The following MTM1 variants were observed in gnomAD, a reference collection of about 807,000 sequenced individuals.
MTM1 encodes the protein myotubularin.
Under a neutral mutation model 52.1 loss-of-function variants are expected in MTM1, and 9 were observed. The ratio of observed to expected loss-of-function variants is 0.17; its 90% CI spans 0.10 to 0.30. The LOEUF (loss-of-function observed/expected upper bound fraction) is 0.30, where lower values mean the gene tolerates loss of function less well. Among genes scored for constraint, MTM1 ranks in the 10% least tolerant of loss-of-function variants. The pLI is 1.00. For synonymous variants in MTM1, 136 were observed against 163.8 expected (o/e 0.83, Z 1.29); for missense variants, 277 against 470.7 (o/e 0.59, Z 3.81).
At chrX:150,583,420 A>G (rs1258588251) in intron 1 of MTM1, among the ~76,000 whole-genome samples, 9 of 40,611 alleles carry the variant, frequency 2.2e-4, no homozygotes, top group Non-Finnish European at 2.6e-4. Context: ...TATATTATAT[A>G]TAATTATAAA....
At chrX:150,573,412 GAAAGTAAAAATA>G (rs1480078806) in intron 1 of MTM1, among the ~76,000 whole-genome samples, 2 of 112,391 alleles carry the variant, frequency 1.8e-5, no homozygotes, top group Non-Finnish European at 3.8e-5. Flanking sequence ...GGGAATAATT[GAAAGTAAAAATA>G]AAAGTTGTTT....
chrX:150,658,154 G>C (rs982097040), intron 11 of MTM1, 127 bp downstream of exon 11: 56 of 544,251 alleles, frequency 1.0e-4, no homozygotes, highest in Non-Finnish European at 1.0e-4. Context: ...TTACGCGTTT[G>C]AAAATGCATG....
intron 1 of MTM1, among the ~76,000 whole-genome samples, chrX:150,580,946 C>A (rs2038571468): frequency 8.9e-6 from 1 of 111,918 alleles, no homozygotes; most frequent in Non-Finnish European, 1.9e-5. Context: ...AGACCCTAGG[C>A]AGCGTTCCAA....
At chrX:150,575,358 G>T (rs1290418422) in intron 1 of MTM1, among the ~76,000 whole-genome samples, 1 of 112,211 alleles carries the variant, frequency 8.9e-6, no homozygotes, top group Non-Finnish European at 1.9e-5. Context: ...AATTGATCTG[G>T]GCTGAGACTC....
Position 150,628,022 on chromosome X carries a change from G to T in MTM1, c.444+8883G>T, listed in dbSNP as rs145981187. Among the ~76,000 whole-genome samples the T allele has an allele frequency of 9.6e-4, 107 of 111,361 alleles. 1 individual carries two copies. The East Asian group carries it at 0.029, about 31-fold the overall frequency. ...TAGCACCAATAATCTAGACAGGAAG[G>T]TTCTCTTGAAGTCCCCAGGTGGTCC... is the stretch of plus-strand genomic sequence containing the variant. On this transcript the variant is annotated intron_variant, in intron 6 of 14. Transcript: ENST00000370396.
At chrX:150,573,215 A>C (rs188118877) in intron 1 of MTM1, among the ~76,000 whole-genome samples, 1 of 112,421 alleles carries the variant, frequency 8.9e-6, no homozygotes, top group East Asian at 2.8e-4. Context: ...TGCCAGATGA[A>C]ATGGAGCTCA....
chrX:150,591,949 G>T (rs1277724160), intron 1 of MTM1, among the ~76,000 whole-genome samples: 2 of 112,691 alleles, frequency 1.8e-5, no homozygotes, highest in Non-Finnish European at 3.7e-5. Context: ...ATCTTCTTAA[G>T]TCTAAATAAA....
chrX:150,611,624 C>A (rs1417560082), intron 4 of MTM1, among the ~76,000 whole-genome samples: 1 of 112,093 alleles, frequency 8.9e-6, no homozygotes, highest in Admixed American at 9.5e-5. Flanking sequence ...CACAACTAGA[C>A]TGACCATACT....
chrX:150,650,468 T>C (rs1232403941), intron 10 of MTM1, among the ~76,000 whole-genome samples: 1 of 111,769 alleles, frequency 8.9e-6, no homozygotes, highest in African/African-American at 3.3e-5. Context: ...CTTTAATGTA[T>C]AGGTGAATTA....
rs782156492 is a variant in MTM1, at chrX:150,641,386, G to A, written c.646G>A (p.Val216Ile). The change falls in exon 8 of 15, where the codon GTT (valine) becomes ATT (isoleucine). Residue 216 changes from valine (V) to isoleucine (I), a missense_variant. Physicochemically the swap from Val to Ile is conservative, Grantham distance 29. Around this residue, in one of 4 missense-constraint regions of MTM1, gnomAD observed 164 missense variants for 283.3 expected, o/e 0.58. Coordinates refer to ENST00000370396, the MANE Select transcript of MTM1 (RefSeq NM_000252.3). The stretch of plus-strand genomic sequence containing the variant: ...TGCCTCAGATGATGACCTCCGGAGA[G>A]TTGCAACTTTTAGGTCCCGAAATCG... ...YRASDDDLRR[V>I]ATFRSRNRIP... 7 of 1,209,823 alleles carry A rather than the reference G, an allele frequency of 5.8e-6. No homozygotes were observed. The Admixed American group carries it at 6.6e-5, about 11-fold the overall frequency.
chrX:150,597,171 A>G (rs1376519153), intron 3 of MTM1, among the ~76,000 whole-genome samples: 2 of 112,252 alleles, frequency 1.8e-5, no homozygotes, highest in East Asian at 2.8e-4. Context: ...GGCAAATTTT[A>G]TATGTGGATT....
At chrX:150,644,149 TA>T (rs1413652732) in intron 8 of MTM1, among the ~76,000 whole-genome samples, 7 of 111,188 alleles carry the variant, frequency 6.3e-5, no homozygotes, top group African/African-American at 2.3e-4. Context: ...ATTAAAATAA[TA>T]AAAAATATTA....
At position 150,664,142 on chromosome X, in the gene MTM1, C is replaced by T. The variant is rs1241978330; in HGVS notation, c.1644+533C>T. ...GAAACAATGAGTTTGAAGTGAAAGA[C>T]TCTACATTTTGTTAAAGACACACTT... On this transcript the variant is annotated intron_variant, in intron 14 of 14. Transcript: ENST00000370396. Among the ~76,000 whole-genome samples, 4 of 112,561 alleles carry T rather than the reference C, an allele frequency of 3.6e-5. No individual in the cohort carries two copies. In the Admixed American group the frequency reaches 3.8e-4, roughly 11 times the overall value.
Position 150,637,453 on chromosome X carries a change from G to C in MTM1, c.445-1490G>C, listed in dbSNP as rs188259582. Among the ~76,000 whole-genome samples the C allele has an allele frequency of 2.0e-4, 22 of 111,397 alleles. No homozygotes were observed. In the East Asian group the frequency reaches 5.1e-3, roughly 26 times the overall value. On this transcript the variant is annotated intron_variant, in intron 6 of 14. Transcript: ENST00000370396. ...CTGTGTTCTGCCTCCCTCTGACCAG[G>C]CGCCATTGTAGTTACTGGGGATAAA...
intron 1 of MTM1, among the ~76,000 whole-genome samples, chrX:150,582,540 A>G (rs1161392415): frequency 9.0e-6 from 1 of 111,403 alleles, no homozygotes; most frequent in African/African-American, 3.3e-5. Context: ...AGTTAAGATG[A>G]GGTCATGCAG....
intron 4 of MTM1, among the ~76,000 whole-genome samples, chrX:150,601,611 C>T (rs150820122): frequency 0.01 from 1,126 of 111,976 alleles, 11 homozygotes; most frequent in African/African-American, 0.034. Flanking sequence ...TTCCCTGCCT[C>T]CTGTTGCCCA....
At chrX:150,583,823 TACAAAATATATATAAATATATATCAA>T (rs2038712489) in intron 1 of MTM1, among the ~76,000 whole-genome samples, 1 of 51,261 alleles carries the variant, frequency 2.0e-5, no homozygotes, top group Non-Finnish European at 3.3e-5. Flanking sequence ...ATATTAAATA[TACAAAATATATATAAATATATATCAA>T]ATATATAAAA....
intron 11 of MTM1, among the ~76,000 whole-genome samples, chrX:150,659,301 G>C (rs1455999777): frequency 1.8e-5 from 2 of 111,874 alleles, no homozygotes; most frequent in African/African-American, 6.5e-5. Context: ...TTTTCTTCGC[G>C]ACTGAAAGAA....
At chrX:150,599,569 A>AT (rs1386921285) in intron 4 of MTM1, among the ~76,000 whole-genome samples, 1 of 112,232 alleles carries the variant, frequency 8.9e-6, no homozygotes, top group African/African-American at 3.2e-5. Context: ...TTACCCCACC[A>AT]TTTTTTAGGA....
Sources: allele counts gnomAD v4.1 joint callset (sites outside exome capture counted in the v4.1 genomes callset), GRCh38; gene constraint gnomAD v4.1.1; regional missense constraint gnomAD v4.1.1; transcripts MANE v1.5; gene names NCBI Gene and HGNC (gene_info 2026-07-23, HGNC 2026-07-21).